Variants in SH3PXD2A observed in about 807,000 individuals in gnomAD.
SH3PXD2A encodes SH3 and PX domains 2A, also known as SH3 and PX domain-containing protein 2A.
Under a neutral mutation model 115.2 loss-of-function variants are expected in SH3PXD2A, and 32 were observed. The observed-to-expected ratio is 0.28, with a 90% CI of 0.21 to 0.37. SH3PXD2A has a LOEUF of 0.37. SH3PXD2A is among the 10% of genes least tolerant of loss of function. The pLI is 1.00. For synonymous variants in SH3PXD2A, 610 were observed against 629.1 expected (o/e 0.97, Z 0.45); for missense variants, 1,328 against 1,498.7 (o/e 0.89, Z 1.88).
intron 3 of SH3PXD2A, among the ~76,000 whole-genome samples, chr10:103,758,136 A>C (rs139667729): frequency 6.6e-6 from 1 of 152,338 alleles, no homozygotes; most frequent in African/African-American, 2.4e-5. Flanking sequence ...ACAGCTCACA[A>C]ACACACAGGT....
At chr10:103,700,577 T>C (rs1194849610) in intron 5 of SH3PXD2A, among the ~76,000 whole-genome samples, 1 of 152,094 alleles carries the variant, frequency 6.6e-6, no homozygotes, top group Admixed American at 6.5e-5. Context: ...ACCTAGATGG[T>C]GACACTGAGC....
At chr10:103,825,294 C>T (rs2039419892) in intron 1 of SH3PXD2A, among the ~76,000 whole-genome samples, 1 of 152,142 alleles carries the variant, frequency 6.6e-6, no homozygotes, top group East Asian at 1.9e-4. Context: ...ATTTCATCAG[C>T]GCCCATTACA....
At chr10:103,691,508 C>T (rs2037751437) in intron 6 of SH3PXD2A, among the ~76,000 whole-genome samples, 1 of 152,082 alleles carries the variant, frequency 6.6e-6, no homozygotes. Flanking sequence ...CTGCGCCTTC[C>T]ATTCTCCCAC....
intron 14 of SH3PXD2A, among the ~76,000 whole-genome samples, chr10:103,604,636 G>C (rs2036273049): frequency 6.6e-6 from 1 of 152,194 alleles, no homozygotes; most frequent in African/African-American, 2.4e-5. Context: ...TGGGAAGAGG[G>C]CCAAGGAGGG....
chr10:103,613,345 G>A (rs1030868523), intron 11 of SH3PXD2A, among the ~76,000 whole-genome samples, 155 bp from the exon 12 acceptor site: 2 of 152,220 alleles, frequency 1.3e-5, no homozygotes, highest in African/African-American at 2.4e-5. Context: ...AAATGGCACC[G>A]AGGGTAGATG....
intron 8 of SH3PXD2A, among the ~76,000 whole-genome samples, chr10:103,645,022 C>A (rs1418016627): frequency 6.6e-6 from 1 of 152,132 alleles, no homozygotes; most frequent in African/African-American, 2.4e-5. Flanking sequence ...GCTGTAGTAC[C>A]CAGGCCCCGT....
chr10:103,670,173 C>G (rs2037437861), intron 6 of SH3PXD2A, among the ~76,000 whole-genome samples: 1 of 152,112 alleles, frequency 6.6e-6, no homozygotes, highest in South Asian at 2.1e-4. Context: ...AAGCCTGGCC[C>G]CCTTCTGGTT....
At chr10:103,606,751 C>G (rs2133917049) in intron 13 of SH3PXD2A, among the ~76,000 whole-genome samples, 1 of 152,300 alleles carries the variant, frequency 6.6e-6, no homozygotes, top group Non-Finnish European at 1.5e-5. Context: ...CCAGCCTCGG[C>G]CTCCCGAGGT....
intron 8 of SH3PXD2A, among the ~76,000 whole-genome samples, chr10:103,653,047 T>C (rs2037153111): frequency 6.6e-6 from 1 of 152,214 alleles, no homozygotes; most frequent in African/African-American, 2.4e-5. Context: ...GTGTCTTTCC[T>C]GACCACACCC....
At chr10:103,736,741 T>C in intron 3 of SH3PXD2A, 1 of 1,285,652 alleles carries the variant, frequency 7.8e-7, no homozygotes, top group Non-Finnish European at 1.0e-6. Flanking sequence ...TTGTGACCCA[T>C]TTTGGGGCCC....
At chr10:103,793,972 A>C (rs1309943679) in intron 2 of SH3PXD2A, among the ~76,000 whole-genome samples, 2 of 152,234 alleles carry the variant, frequency 1.3e-5, no homozygotes, top group Non-Finnish European at 2.9e-5. Flanking sequence ...ACAGTTTGTT[A>C]CCTGCAAAGT....
chr10:103,841,214 AC>A lies in SH3PXD2A; in HGVS notation c.72+13980del, dbSNP rs2039594796. On this transcript the variant is annotated intron_variant, in intron 1 of 14. Transcript: ENST00000369774. ...TGATCCAGGACGCACCATGATCCAG[AC>A]CCTCTGCTAGCATGAGGAGGGGGCG... Among the ~76,000 whole-genome samples the A allele has an allele frequency of 2.6e-5, 4 of 152,110 alleles. No homozygotes were observed. The South Asian group carries it at 8.3e-4, about 32-fold the overall frequency.
intron 3 of SH3PXD2A, among the ~76,000 whole-genome samples, chr10:103,752,246 C>T (rs1314641696): frequency 6.6e-6 from 1 of 152,190 alleles, no homozygotes; most frequent in Non-Finnish European, 1.5e-5. Flanking sequence ...CCACGTTCTG[C>T]CAGTACAGTG....
chr10:103,851,168 G>A (rs986053693), intron 1 of SH3PXD2A, among the ~76,000 whole-genome samples: 24 of 151,626 alleles, frequency 1.6e-4, no homozygotes, highest in Non-Finnish European at 3.2e-4. Flanking sequence ...AAAAAAGAAG[G>A]GCACAGAAAT....
chr10:103,636,244 T>TA (rs2036861904), intron 8 of SH3PXD2A, among the ~76,000 whole-genome samples: 1 of 151,764 alleles, frequency 6.6e-6, no homozygotes, highest in African/African-American at 2.4e-5. Flanking sequence ...CCGTCTCTAC[T>TA]GAAAATACAA....
At chr10:103,699,780 C>T (rs2037869784) in intron 5 of SH3PXD2A, among the ~76,000 whole-genome samples, 1 of 152,224 alleles carries the variant, frequency 6.6e-6, no homozygotes, top group East Asian at 1.9e-4. Context: ...ACTGAGGGCC[C>T]TTGTGTTTAA....
At chr10:103,646,190 C>A (rs1478496068) in intron 8 of SH3PXD2A, among the ~76,000 whole-genome samples, 1 of 152,160 alleles carries the variant, frequency 6.6e-6, no homozygotes, top group Admixed American at 6.5e-5. Context: ...CCTGGGATAA[C>A]CATCCTGGGG....
intron 1 of SH3PXD2A, among the ~76,000 whole-genome samples, chr10:103,822,554 GGA>G (rs1355339357): frequency 2.6e-5 from 4 of 152,236 alleles, no homozygotes; most frequent in African/African-American, 9.6e-5. Flanking sequence ...TGGTGGGGGG[GGA>G]GCAGCACTTT....
At chr10:103,739,677 C>T (rs768613181) in intron 3 of SH3PXD2A, among the ~76,000 whole-genome samples, 5 of 152,206 alleles carry the variant, frequency 3.3e-5, no homozygotes, top group Non-Finnish European at 7.3e-5. Context: ...CAGCTTCTGC[C>T]AGAGTCTTCA....
Sources: gnomAD v4.1 joint callset for allele counts (sites outside exome capture counted in the v4.1 genomes callset) on GRCh38, gnomAD v4.1.1 for gene constraint, MANE v1.5 for transcripts, NCBI Gene and HGNC (gene_info 2026-07-23, HGNC 2026-07-21) for gene names.